BIRC6: variants seen among roughly 807,000 people sequenced by gnomAD.
The protein encoded by BIRC6 is baculoviral IAP repeat containing 6, also known as dual E2 ubiquitin-conjugating enzyme/E3 ubiquitin-protein ligase BIRC6.
Under a neutral mutation model 503.3 loss-of-function variants are expected in BIRC6, and 98 were observed. The ratio of observed to expected loss-of-function variants is 0.19; its 90% CI spans 0.17 to 0.23. The LOEUF (loss-of-function observed/expected upper bound fraction) is 0.23, where lower values mean the gene tolerates loss of function less well. Ranked by LOEUF, BIRC6 falls within the 10% of genes least tolerant of loss-of-function variation. BIRC6 has a pLI of 1.00. For synonymous variants in BIRC6, 2,240 were observed against 2,078.7 expected (o/e 1.08, Z -2.11); for missense variants, 5,360 against 5,806.0 (o/e 0.92, Z 2.50).
At chr2:32,506,516 C>G (rs2053810168) in intron 50 of BIRC6, among the ~76,000 whole-genome samples, 1 of 152,160 alleles carries the variant, frequency 6.6e-6, no homozygotes, top group South Asian at 2.1e-4. Context: ...TAGGCTACCT[C>G]TAAAATTGGA....
intron 23 of BIRC6, among the ~76,000 whole-genome samples, chr2:32,459,287 G>C (rs1019361556): frequency 2.6e-5 from 4 of 151,972 alleles, no homozygotes; most frequent in African/African-American, 7.3e-5. Context: ...CCTTTTTCTG[G>C]CTGAATATTC....
At chr2:32,425,897 C>T (rs2043435214) in intron 10 of BIRC6, among the ~76,000 whole-genome samples, 1 of 152,252 alleles carries the variant, frequency 6.6e-6, no homozygotes, top group Non-Finnish European at 1.5e-5. Context: ...CCAGCTGCTT[C>T]CAGCACATGT....
chr2:32,552,339 A>G lies in BIRC6; in HGVS notation c.13144+2858A>G, dbSNP rs188031963. ...AAGTTCTCATATTAATGAGTTTACT[A>G]TGTAGCTGGTTAGCTAAGTCTGTTT... On this transcript the variant is annotated intron_variant, in intron 65 of 73. Transcript: ENST00000421745. 3.7e-4 allele frequency among the ~76,000 whole-genome samples: 56 copies of G among 152,318 alleles called. 1 individual carries two copies. The East Asian group carries it at 8.1e-3, about 22-fold the overall frequency.
At chr2:32,532,081 A>G in intron 61 of BIRC6, 1 of 526,384 alleles carries the variant, frequency 1.9e-6, no homozygotes, top group Non-Finnish European at 3.9e-6. Context: ...TGTAAAAACA[A>G]AACTTTGTGT....
At chr2:32,370,337 T>C (rs2035751899) in intron 1 of BIRC6, among the ~76,000 whole-genome samples, 2 of 152,154 alleles carry the variant, frequency 1.3e-5, no homozygotes, top group Admixed American at 6.6e-5. Context: ...GATGACACTT[T>C]TGGTTAATGT....
intron 1 of BIRC6, among the ~76,000 whole-genome samples, chr2:32,375,212 A>G (rs2036565394): frequency 6.6e-6 from 1 of 152,134 alleles, no homozygotes; most frequent in Non-Finnish European, 1.5e-5. Context: ...AAAAAGGGAC[A>G]GTTTTATTTC....
At chr2:32,487,941 T>G in intron 41 of BIRC6, 140 bp downstream of exon 41, 2 of 691,556 alleles carry the variant, frequency 2.9e-6, no homozygotes, top group Non-Finnish European at 4.8e-6. Context: ...TAGAAATACT[T>G]TGATTACCAA....
At chr2:32,455,449 C>T (rs2047155481) in intron 23 of BIRC6, among the ~76,000 whole-genome samples, 2 of 150,612 alleles carry the variant, frequency 1.3e-5, no homozygotes, top group South Asian at 2.1e-4. Flanking sequence ...GGCGAAACCT[C>T]GTCTCTACTA....
chr2:32,428,183 G>C (rs1023361622), intron 10 of BIRC6, among the ~76,000 whole-genome samples: 1 of 152,188 alleles, frequency 6.6e-6, no homozygotes, highest in Non-Finnish European at 1.5e-5. Flanking sequence ...TAGAGGCTTA[G>C]TTGACTGAGG....
intron 10 of BIRC6, among the ~76,000 whole-genome samples, chr2:32,424,547 G>T (rs577458786): frequency 6.7e-6 from 1 of 149,456 alleles, no homozygotes; most frequent in Admixed American, 6.7e-5. Flanking sequence ...GGAGTTTCAC[G>T]CTTGTTGCCC....
At chr2:32,476,366 A>G in intron 34 of BIRC6, 22 bp downstream of exon 34, 7 of 1,548,156 alleles carry the variant, frequency 4.5e-6, no homozygotes, top group Non-Finnish European at 6.1e-6. Flanking sequence ...ACTTTTCAAT[A>G]TAGTTATCTC....
intron 3 of BIRC6, among the ~76,000 whole-genome samples, chr2:32,386,856 A>G (rs1196751922): frequency 6.6e-6 from 1 of 152,154 alleles, no homozygotes; most frequent in Non-Finnish European, 1.5e-5. Context: ...CATGTTTTCT[A>G]TATTACTGGC....
chr2:32,534,592 G>T (rs187856383), intron 61 of BIRC6, among the ~76,000 whole-genome samples: 1 of 151,492 alleles, frequency 6.6e-6, no homozygotes, highest in Non-Finnish European at 1.5e-5. Context: ...TTAGCTGGGC[G>T]TGGTGGTGGA....
chr2:32,574,494 A>C (rs918938148), intron 65 of BIRC6: 2 of 152,754 alleles, frequency 1.3e-5, no homozygotes, highest in East Asian at 3.9e-4. Context: ...CTGATAATCA[A>C]TTAACACATT....
chr2:32,591,052 A>G (rs2061355304), intron 66 of BIRC6: 2 of 866,778 alleles, frequency 2.3e-6, no homozygotes, highest in Non-Finnish European at 2.8e-6. Flanking sequence ...AAAAGAGACT[A>G]CTGGCTATAG....
At position 32,408,603 on chromosome 2, in the gene BIRC6, C is replaced by A. The variant is rs76790860; in HGVS notation, c.1477+2046C>A. Among the ~76,000 whole-genome samples the A allele has an allele frequency of 3.3e-5, 5 of 152,094 alleles. No individual in the cohort carries two copies. In the East Asian group the frequency reaches 7.7e-4, roughly 23 times the overall value. On this transcript the variant is annotated intron_variant, in intron 9 of 73. Coordinates refer to ENST00000421745, the MANE Select transcript of BIRC6 (RefSeq NM_016252.4). Reference sequence around the variant, plus strand: ...ATCTCAGTACATGTTTTTACAGTTACAATACTCGTATTTGGCCAATTTTCT... The same window carrying A: ...ATCTCAGTACATGTTTTTACAGTTAAAATACTCGTATTTGGCCAATTTTCT...
chr2:32,432,372 G>A (rs754266240), intron 12 of BIRC6, among the ~76,000 whole-genome samples: 13 of 152,052 alleles, frequency 8.5e-5, no homozygotes, highest in Admixed American at 2.0e-4. Flanking sequence ...CCAAGATTAC[G>A]CCCCACTGCA....
chr2:32,485,557 G>A (rs1432019277), intron 39 of BIRC6, 86 bp from the exon 40 acceptor site: 1 of 865,536 alleles, frequency 1.2e-6, no homozygotes, highest in Non-Finnish European at 1.9e-6. Flanking sequence ...CCTCTCTTGG[G>A]TTCAGATGTC....
rs115004684 is a variant in BIRC6 at position 32,547,202 on chromosome 2, A to G, written c.12811-648A>G. Among the ~76,000 whole-genome samples, 641 of 152,236 alleles carry G rather than the reference A, an allele frequency of 4.2e-3. 8 individuals are homozygous for G. The highest frequency in any genetic ancestry group is 0.014 in the African/African-American group (595 of 41,544). On this transcript the variant is annotated intron_variant, in intron 63 of 73. Transcript: ENST00000421745. ...ATTTATCCTAAAAAGATCTGCTCAT[A>G]TCTGTATTCTTTTCACTGTTTTCTC...
Sources: gnomAD v4.1 joint callset for allele counts (sites outside exome capture counted in the v4.1 genomes callset) on GRCh38, gnomAD v4.1.1 for gene constraint, MANE v1.5 for transcripts, NCBI Gene and HGNC (gene_info 2026-07-23, HGNC 2026-07-21) for gene names.